The following FREM2 variants were observed in gnomAD, a reference collection of about 807,000 sequenced individuals.
FREM2 encodes FRAS1 related extracellular matrix 2.
In FREM2, 119 loss-of-function variants were observed where a neutral mutation model predicts 219.9. That is an observed-to-expected ratio of 0.54 (90% CI 0.47 to 0.63). The LOEUF (loss-of-function observed/expected upper bound fraction) is 0.63, where lower values mean the gene tolerates loss of function less well. Ranked by LOEUF, FREM2 falls within the 30% of genes least tolerant of loss-of-function variation. The probability of loss-of-function intolerance (pLI) is 0.00; values close to 1 mark genes in which losing one functional copy is unlikely to be tolerated. For synonymous variants in FREM2, 1,562 were observed against 1,522.8 expected, an observed-to-expected ratio of 1.03 and a Z score of -0.60; for missense variants, 4,030 against 3,993.6, an observed-to-expected ratio of 1.01 and a Z score of -0.25.
chr13:38,875,964 T>A, intron 18 of FREM2, 58 bp from the exon 19 acceptor site: 2 of 1,456,042 alleles, frequency 1.4e-6, no homozygotes, highest in Non-Finnish European at 1.9e-6. Context: ...TCTAAACTGT[T>A]ATGCACTCTT....
intron 2 of FREM2, among the ~76,000 whole-genome samples, chr13:38,741,104 G>C (rs1872223618): frequency 6.6e-6 from 1 of 152,100 alleles, no homozygotes. Flanking sequence ...GGAAACTAAG[G>C]CACAAAGAAT....
At chr13:38,809,687 T>A (rs1875398533) in intron 6 of FREM2, among the ~76,000 whole-genome samples, 1 of 152,070 alleles carries the variant, frequency 6.6e-6, no homozygotes, top group African/African-American at 2.4e-5. Flanking sequence ...GGTCTAAGTG[T>A]CTGTAGATAG....
chr13:38,874,623 C>T, intron 18 of FREM2, 37 bp downstream of exon 18: 1 of 1,507,464 alleles, frequency 6.6e-7, no homozygotes. Flanking sequence ...ACTCCTCACA[C>T]AAAAAGGAGG....
intron 4 of FREM2, among the ~76,000 whole-genome samples, chr13:38,777,975 A>G (rs1182405669): frequency 6.6e-6 from 1 of 152,212 alleles, no homozygotes; most frequent in Non-Finnish European, 1.5e-5. Context: ...CCTAATTCAA[A>G]CTTACTGGCA....
chr13:38,769,744 G>C lies in FREM2; in HGVS notation c.5577G>C (p.Glu1859Asp), dbSNP rs1347302423. 1.2e-6 allele frequency: 2 copies of C among 1,614,142 alleles called. No homozygotes were observed. Among genetic ancestry groups the C allele is most frequent in the East Asian group, 4.5e-5 (2 of 44,872 alleles). Residue 1859 changes from glutamate to aspartate, a missense_variant, in exon 4 of 24, where the codon GAG (glutamate) becomes GAC (aspartate). Transcript: ENST00000280481. ...QSETFQVVLSEPVLAALEFPT... is the reference protein window; with the variant it reads ...QSETFQVVLSDPVLAALEFPT... Reference sequence around the variant, plus strand: ...AAACCTTTCAGGTGGTACTCTCAGAGCCCGTGCTGGCTGCCTTGGAATTCC... The same window carrying C: ...AAACCTTTCAGGTGGTACTCTCAGACCCCGTGCTGGCTGCCTTGGAATTCC...
Position 38,699,751 on chromosome 13 carries a change from A to T in FREM2, c.5263+1964A>T, listed in dbSNP as rs149380352. ...CAGAATAAACACAGAGACCTGCAAG[A>T]TTAAAAAGTCACATTGGTATCCCTA... On this transcript the variant is annotated intron_variant, in intron 2 of 23. Coordinates refer to ENST00000280481, the MANE Select transcript of FREM2 (RefSeq NM_207361.6). Among the ~76,000 whole-genome samples, 116 of 152,268 alleles carry T rather than the reference A, an allele frequency of 7.6e-4. 1 individual carries two copies. Among genetic ancestry groups the T allele is most frequent in the African/African-American group, 2.6e-3 (109 of 41,568 alleles).
intron 2 of FREM2, among the ~76,000 whole-genome samples, chr13:38,761,369 C>T (rs1641302828): frequency 6.6e-6 from 1 of 152,142 alleles, no homozygotes; most frequent in African/African-American, 2.4e-5. Context: ...GTGTTTTCAT[C>T]TGATAATTTG....
At chr13:38,854,170 A>G (rs928131090) in intron 11 of FREM2, among the ~76,000 whole-genome samples, 9 of 151,588 alleles carry the variant, frequency 5.9e-5, no homozygotes, top group South Asian at 4.1e-4. Flanking sequence ...AAATTTTTTC[A>G]TGCTAAAATA....
chr13:38,751,384 G>A (rs1396850510), intron 2 of FREM2, among the ~76,000 whole-genome samples: 1 of 152,086 alleles, frequency 6.6e-6, no homozygotes, highest in East Asian at 1.9e-4. Context: ...TTTGTGAGCA[G>A]CCTGGTTTTC....
At position 38,755,600 on chromosome 13, in the gene FREM2, C is replaced by T. The variant is rs759708395; in HGVS notation, c.5264-8704C>T. 3.5e-4 allele frequency among the ~76,000 whole-genome samples: 54 copies of T among 152,152 alleles called. 1 individual carries two copies. Among genetic ancestry groups the T allele is most frequent in the Non-Finnish European group, 6.9e-4 (47 of 68,042 alleles). On this transcript the variant is annotated intron_variant, in intron 2 of 23. Coordinates refer to ENST00000280481, the MANE Select transcript of FREM2 (RefSeq NM_207361.6). The stretch of plus-strand genomic sequence containing the variant: ...GAATCCCTACACTCAGATGATTAAA[C>T]TTTTCTATAGAGTCCATTATTTTGC...
intron 1 of FREM2, 110 bp from the exon 2 acceptor site, chr13:38,697,588 A>T: frequency 1.4e-6 from 1 of 717,392 alleles, no homozygotes; most frequent in Non-Finnish European, 2.5e-6. Context: ...TAGGAGGAAA[A>T]AGGAATTTAA....
chr13:38,754,253 T>C (rs565125157), intron 2 of FREM2, among the ~76,000 whole-genome samples: 4 of 152,324 alleles, frequency 2.6e-5, no homozygotes, highest in African/African-American at 9.6e-5. Flanking sequence ...CCGGCTTTCA[T>C]ACCCTTTGCT....
intron 4 of FREM2, among the ~76,000 whole-genome samples, chr13:38,776,211 G>T (rs572507561): frequency 1.9e-4 from 29 of 152,200 alleles, no homozygotes; most frequent in Non-Finnish European, 3.5e-4. Context: ...GGGCACCATA[G>T]TGGCCTGAAA....
chr13:38,743,658 G>A (rs1872340756), intron 2 of FREM2, among the ~76,000 whole-genome samples: 1 of 152,172 alleles, frequency 6.6e-6, no homozygotes, highest in Admixed American at 6.6e-5. Context: ...TGTAATAATA[G>A]CTGTTGATAA....
chr13:38,816,529 A>G (rs1875772874), intron 6 of FREM2, among the ~76,000 whole-genome samples: 2 of 152,134 alleles, frequency 1.3e-5, no homozygotes, highest in Admixed American at 6.5e-5. Context: ...AAAATTTACT[A>G]TCATGATTAA....
chr13:38,724,568 A>C (rs571414827), intron 2 of FREM2, among the ~76,000 whole-genome samples: 12 of 152,326 alleles, frequency 7.9e-5, no homozygotes, highest in Non-Finnish European at 1.6e-4. Context: ...TCACTCATTG[A>C]TGTCAACTAG....
intron 6 of FREM2, among the ~76,000 whole-genome samples, chr13:38,834,020 C>T (rs1352950452): frequency 1.3e-5 from 2 of 151,954 alleles, no homozygotes; most frequent in Admixed American, 1.3e-4. Context: ...GGCAAATTAC[C>T]CCTTTTTTTA....
At chr13:38,734,991 C>T (rs1871929335) in intron 2 of FREM2, among the ~76,000 whole-genome samples, 1 of 152,114 alleles carries the variant, frequency 6.6e-6, no homozygotes, top group Non-Finnish European at 1.5e-5. Context: ...TGTGATCCAC[C>T]CGCCTTGGCC....
chr13:38,724,618 G>T lies in FREM2; in HGVS notation c.5263+26831G>T, dbSNP rs116714618. ...AAGTTATTTAAAAAAATTGAAATTT[G>T]TTTAAACAAAAAAGTAAATTTATTT... is the stretch of plus-strand genomic sequence containing the variant. On this transcript the variant is annotated intron_variant, in intron 2 of 23. Transcript: ENST00000280481. Among the ~76,000 whole-genome samples the T allele has an allele frequency of 7.3e-3, 1,104 of 152,240 alleles. 23 individuals are homozygous for T. The highest frequency in any genetic ancestry group is 0.026 in the African/African-American group (1,060 of 41,532).
Sources: gnomAD v4.1 joint callset for allele counts (sites outside exome capture counted in the v4.1 genomes callset) on GRCh38, gnomAD v4.1.1 for gene constraint, MANE v1.5 for transcripts, NCBI Gene and HGNC (gene_info 2026-07-23, HGNC 2026-07-21) for gene names.